ADGRL2: variants seen among roughly 807,000 people sequenced by gnomAD.
ADGRL2 encodes adhesion G protein-coupled receptor L2.
Under a neutral mutation model 157.4 loss-of-function variants are expected in ADGRL2, and 44 were observed. The observed-to-expected ratio is 0.28, with a 90% CI of 0.22 to 0.36. The LOEUF (loss-of-function observed/expected upper bound fraction) is 0.36. Ranked by LOEUF, ADGRL2 falls within the 10% of genes least tolerant of loss-of-function variation. ADGRL2 has a pLI of 1.00. For missense variants in ADGRL2, 1,510 were observed against 1,768.9 expected, an observed-to-expected ratio of 0.85 and a Z score of 2.63; for synonymous variants, 585 against 624.7, an observed-to-expected ratio of 0.94 and a Z score of 0.95.
At position 81,977,845 on chromosome 1, in the gene ADGRL2, A is replaced by G. The variant is rs190199994; in HGVS notation, c.3022-2024A>G. 9.2e-5 allele frequency among the ~76,000 whole-genome samples: 14 copies of G among 151,866 alleles called. No individual in the cohort carries two copies. The East Asian group carries it at 1.9e-3, about 21-fold the overall frequency. ...CCTTATGTTCAGAAGTTTGGGATAA[A>G]AGAAAGTAAATTGTTCTTATCAGGC... On this transcript the variant is annotated intron_variant, in intron 17 of 23. Transcript: ENST00000686636.
At chr1:81,892,001 T>C (rs2151440758) in intron 2 of ADGRL2, among the ~76,000 whole-genome samples, 1 of 151,940 alleles carries the variant, frequency 6.6e-6, no homozygotes, top group East Asian at 1.9e-4. Context: ...TGTGGTTTTA[T>C]TTCAGAGTTG....
chr1:81,927,434 T>A (rs1480615631), intron 3 of ADGRL2, among the ~76,000 whole-genome samples: 2 of 151,990 alleles, frequency 1.3e-5, no homozygotes, highest in Non-Finnish European at 2.9e-5. Flanking sequence ...GGTGCAATTT[T>A]AAAAAATCAG....
At chr1:81,361,724 G>A (rs529877370) in intron 1 of ADGRL2, among the ~76,000 whole-genome samples, 8 of 152,004 alleles carry the variant, frequency 5.3e-5, no homozygotes, top group Admixed American at 4.6e-4. Flanking sequence ...AAGTACAAAA[G>A]GGATAAACAC....
At chr1:81,428,675 C>G (rs2077264506) in intron 1 of ADGRL2, among the ~76,000 whole-genome samples, 1 of 152,080 alleles carries the variant, frequency 6.6e-6, no homozygotes, top group South Asian at 2.1e-4. Flanking sequence ...TGGCCTGAGG[C>G]AAAGTTTGTC....
intron 1 of ADGRL2, among the ~76,000 whole-genome samples, chr1:81,754,187 C>T (rs1047050326): frequency 1.3e-5 from 2 of 149,892 alleles, no homozygotes; most frequent in Non-Finnish European, 3.0e-5. Context: ...CTTTGGATTT[C>T]ATAGATTCCC....
intron 3 of ADGRL2, among the ~76,000 whole-genome samples, chr1:81,934,560 A>G (rs979810783): frequency 2.0e-5 from 3 of 151,840 alleles, no homozygotes; most frequent in African/African-American, 7.3e-5. Flanking sequence ...TTTCATGTTC[A>G]TGTTCTTGGT....
chr1:81,637,166 C>T (rs2082131205), intron 3 of ADGRL2, among the ~76,000 whole-genome samples: 1 of 152,104 alleles, frequency 6.6e-6, no homozygotes, highest in South Asian at 2.1e-4. Context: ...AGTTGGGAAG[C>T]ACTGCACTGA....
intron 1 of ADGRL2, among the ~76,000 whole-genome samples, chr1:81,743,587 A>G (rs2085148085): frequency 6.6e-6 from 1 of 152,056 alleles, no homozygotes; most frequent in Non-Finnish European, 1.5e-5. Flanking sequence ...ACCTAAGTGC[A>G]TTAGAAATGA....
intron 1 of ADGRL2, among the ~76,000 whole-genome samples, chr1:81,725,721 T>C (rs904742132): frequency 2.6e-5 from 4 of 152,338 alleles, no homozygotes; most frequent in African/African-American, 9.6e-5. Flanking sequence ...AATATCACCA[T>C]AAGTGGGTAA....
intron 2 of ADGRL2, among the ~76,000 whole-genome samples, chr1:81,763,354 G>A (rs1348771546): frequency 6.6e-6 from 1 of 152,022 alleles, no homozygotes; most frequent in Non-Finnish European, 1.5e-5. Context: ...AGAGGCTGAG[G>A]CAGGAGAATC....
intron 1 of ADGRL2, among the ~76,000 whole-genome samples, chr1:81,442,332 A>C (rs2077522622): frequency 6.6e-6 from 1 of 152,222 alleles, no homozygotes. Flanking sequence ...TTCTTCCTAC[A>C]AAGATGAGCT....
intron 2 of ADGRL2, among the ~76,000 whole-genome samples, chr1:81,531,468 T>C (rs1180994820): frequency 6.6e-6 from 1 of 152,202 alleles, no homozygotes; most frequent in Non-Finnish European, 1.5e-5. Context: ...ACATGCTTAG[T>C]TCATAGTAGA....
Position 81,460,322 on chromosome 1 carries a change from T to C in ADGRL2, c.-248+15233T>C, listed in dbSNP as rs527786973. Among the ~76,000 whole-genome samples the C allele has an allele frequency of 1.9e-3, 293 of 151,994 alleles. 2 individuals carry two copies. The highest frequency in any genetic ancestry group is 7.0e-3 in the African/African-American group (291 of 41,550). On this transcript the variant is annotated intron_variant, in intron 2 of 24. Coordinates refer to the ADGRL2 transcript ENST00000370721. ...GATTGGGTTGATATCTCCAGAATAT[T>C]ATTTTGTGTCTATTATATATCATAC...
chr1:81,338,161 G>A (rs149182948), intron 1 of ADGRL2, among the ~76,000 whole-genome samples: 487 of 152,134 alleles, frequency 3.2e-3, no homozygotes, highest in African/African-American at 0.011. Context: ...TCAGAAGTTC[G>A]CGACCAGCCT....
At chr1:81,313,052 C>T (rs1659862417) in intron 1 of ADGRL2, among the ~76,000 whole-genome samples, 1 of 152,106 alleles carries the variant, frequency 6.6e-6, no homozygotes, top group Non-Finnish European at 1.5e-5. Context: ...TGCTACATGC[C>T]CAAAACAATA....
intron 1 of ADGRL2, among the ~76,000 whole-genome samples, chr1:81,831,654 A>C (rs577045455): frequency 4.9e-4 from 74 of 152,180 alleles, no homozygotes; most frequent in Non-Finnish European, 8.4e-4. Context: ...ATTGCATGGA[A>C]GAGTAAGCAC....
intron 8 of ADGRL2, 133 bp downstream of exon 8, chr1:81,951,254 A>C: frequency 3.4e-6 from 2 of 583,682 alleles, no homozygotes; most frequent in Non-Finnish European, 6.1e-6. Flanking sequence ...AAAATTACGC[A>C]TAGTTTTGTC....
rs183296929 is a variant in ADGRL2, at chr1:81,603,777, T to A, written c.-143+22797T>A. On this transcript the variant is annotated intron_variant, in intron 3 of 24. Transcript: ENST00000370721. ...AAAAGGAAGGAAAAGAAGCAAAGGC[T>A]CTGCCATTAAAGGCGAGTCCTGTTC... Among the ~76,000 whole-genome samples, 638 of 152,338 alleles carry A rather than the reference T, an allele frequency of 4.2e-3. 1 individual carries two copies. The highest frequency in any genetic ancestry group is 6.6e-3 in the Non-Finnish European group (451 of 68,028).
At chr1:81,503,466 C>G (rs558930804) in intron 2 of ADGRL2, 1 of 1,611,700 alleles carries the variant, frequency 6.2e-7, no homozygotes, top group African/African-American at 1.3e-5. Context: ...GCTGGTCCCT[C>G]TGATGGGCAG....
Sources: gnomAD v4.1 joint callset for allele counts (sites outside exome capture counted in the v4.1 genomes callset) on GRCh38, gnomAD v4.1.1 for gene constraint, MANE v1.5 for transcripts, NCBI Gene and HGNC (gene_info 2026-07-23, HGNC 2026-07-21) for gene names.